Variants in CDH13 observed in about 807,000 individuals in gnomAD.
CDH13 encodes the protein cadherin 13.
Under a neutral mutation model 63.8 loss-of-function variants are expected in CDH13, and 24 were observed. The observed-to-expected ratio is 0.38, with a 90% confidence interval of 0.27 to 0.53. CDH13 has a LOEUF of 0.53. CDH13 is among the 20% of genes least tolerant of loss of function. The pLI is 0.85. For synonymous variants in CDH13, 503 were observed against 355.3 expected, an observed-to-expected ratio of 1.42 and a Z score of -4.67; for missense variants, 1,049 against 903.1, an observed-to-expected ratio of 1.16 and a Z score of -2.07.
intron 3 of CDH13, among the ~76,000 whole-genome samples, chr16:83,033,274 A>G (rs142070248): frequency 3.8e-4 from 57 of 151,760 alleles, no homozygotes; most frequent in African/African-American, 1.3e-3. Flanking sequence ...GTGTATATGT[A>G]TATATGTATA....
intron 1 of CDH13, among the ~76,000 whole-genome samples, chr16:82,833,700 T>C (rs554307209): frequency 6.6e-6 from 1 of 152,324 alleles, no homozygotes; most frequent in East Asian, 1.9e-4. Context: ...CTGTTTTCAA[T>C]CTACTGCCTC....
At chr16:83,660,857 T>TA (rs1338501220) in intron 8 of CDH13, among the ~76,000 whole-genome samples, 5 of 152,208 alleles carry the variant, frequency 3.3e-5, no homozygotes, top group Non-Finnish European at 5.9e-5. Context: ...TTTCATTTTT[T>TA]AAAGAGAGAA....
chr16:83,761,403 T>G (rs911535422), intron 11 of CDH13, among the ~76,000 whole-genome samples: 1 of 152,208 alleles, frequency 6.6e-6, no homozygotes, highest in Admixed American at 6.5e-5. Context: ...CTGAGTTTAG[T>G]TGAGCAAAGA....
At chr16:82,715,758 C>A (rs913970647) in intron 1 of CDH13, among the ~76,000 whole-genome samples, 1 of 152,124 alleles carries the variant, frequency 6.6e-6, no homozygotes, top group Non-Finnish European at 1.5e-5. Flanking sequence ...ACATGCAGCA[C>A]GAAGCAGCGA....
At chr16:82,758,617 G>C (rs1365703185) in intron 1 of CDH13, among the ~76,000 whole-genome samples, 5 of 152,312 alleles carry the variant, frequency 3.3e-5, no homozygotes, top group Admixed American at 1.3e-4. Flanking sequence ...CTAGAGGAGA[G>C]GTCACGCGGC....
intron 11 of CDH13, among the ~76,000 whole-genome samples, chr16:83,773,219 C>G (rs145048680): frequency 6.6e-6 from 1 of 152,298 alleles, no homozygotes; most frequent in African/African-American, 2.4e-5. Flanking sequence ...TTACATCTCA[C>G]AGGGACAGAG....
intron 1 of CDH13, among the ~76,000 whole-genome samples, chr16:82,794,637 C>T (rs957430107): frequency 3.3e-5 from 5 of 152,148 alleles, no homozygotes; most frequent in African/African-American, 1.2e-4. Context: ...CAAACAGAAG[C>T]TTAATTTCTC....
intron 6 of CDH13, among the ~76,000 whole-genome samples, chr16:83,449,474 T>G (rs1464180416): frequency 1.3e-5 from 2 of 152,214 alleles, no homozygotes; most frequent in Non-Finnish European, 2.9e-5. Context: ...AGATGGTGAC[T>G]TTTTGAAATT....
At chr16:82,723,999 A>C (rs1268503505) in intron 1 of CDH13, among the ~76,000 whole-genome samples, 2 of 152,174 alleles carry the variant, frequency 1.3e-5, no homozygotes, top group African/African-American at 4.8e-5. Flanking sequence ...GCAGAGCCAG[A>C]TGCTGGGCTG....
chr16:83,628,305 C>G (rs1910498529), intron 8 of CDH13, among the ~76,000 whole-genome samples: 1 of 152,140 alleles, frequency 6.6e-6, no homozygotes, highest in Non-Finnish European at 1.5e-5. Flanking sequence ...GCAGGGTTTC[C>G]CCTTGTTGCC....
At chr16:82,678,658 A>T (rs1173710572) in intron 1 of CDH13, among the ~76,000 whole-genome samples, 1 of 152,186 alleles carries the variant, frequency 6.6e-6, no homozygotes, top group Non-Finnish European at 1.5e-5. Context: ...CTAAGGGTAT[A>T]TACCTACTTC....
At chr16:83,785,103 G>A (rs564077332) in intron 13 of CDH13, among the ~76,000 whole-genome samples, 1 of 152,322 alleles carries the variant, frequency 6.6e-6, no homozygotes, top group South Asian at 2.1e-4. Context: ...TAATTCGGCT[G>A]TACAGCAATT....
At chr16:83,597,285 T>C (rs1217473716) in intron 7 of CDH13, among the ~76,000 whole-genome samples, 3 of 152,168 alleles carry the variant, frequency 2.0e-5, no homozygotes, top group East Asian at 3.8e-4. Flanking sequence ...CCAGTAGGGA[T>C]TGACTAAATA....
At chr16:82,781,473 C>A (rs1050468250) in intron 1 of CDH13, among the ~76,000 whole-genome samples, 5 of 151,942 alleles carry the variant, frequency 3.3e-5, no homozygotes, top group Admixed American at 2.0e-4. Context: ...GTCTAGCTAC[C>A]CACACACCTA....
At chr16:82,877,660 C>G (rs2040549069) in intron 2 of CDH13, among the ~76,000 whole-genome samples, 1 of 152,086 alleles carries the variant, frequency 6.6e-6, no homozygotes. Flanking sequence ...CCTCTCAAGT[C>G]TTTATGATGT....
intron 5 of CDH13, among the ~76,000 whole-genome samples, chr16:83,252,944 T>C (rs1276745825): frequency 6.6e-6 from 1 of 152,190 alleles, no homozygotes; most frequent in African/African-American, 2.4e-5. Flanking sequence ...ATTAACTTTC[T>C]GAACCTCTGT....
chr16:83,079,841 C>T (rs1414464105), intron 3 of CDH13, among the ~76,000 whole-genome samples: 2 of 152,162 alleles, frequency 1.3e-5, no homozygotes, highest in South Asian at 2.1e-4. Context: ...TAATAAGTTA[C>T]ATATCTACCT....
chr16:83,669,394 C>A (rs1026585780), intron 8 of CDH13, among the ~76,000 whole-genome samples: 2 of 152,120 alleles, frequency 1.3e-5, no homozygotes, highest in African/African-American at 4.8e-5. Context: ...TTTTCTTGCT[C>A]AAGAATTCTA....
rs1245398187 is a variant in CDH13 at position 83,678,199 on chromosome 16, GC to G, written c.1285-8del. 6.2e-7 allele frequency: 1 copy of G among 1,606,494 alleles called. No homozygotes were observed. On this transcript the variant is annotated splice_region_variant and splice_polypyrimidine_tract_variant and intron_variant, in intron 9 of 13. Coordinates refer to ENST00000567109, the MANE Select transcript of CDH13 (RefSeq NM_001257.5). ...TGTGCATCCTGAGACCCTTCTGTCT[GC>G]TTTCCAGCCATTGGACTATGAAATT...
Sources: gnomAD v4.1 joint callset for allele counts (sites outside exome capture counted in the v4.1 genomes callset) on GRCh38, gnomAD v4.1.1 for gene constraint, MANE v1.5 for transcripts, NCBI Gene and HGNC (gene_info 2026-07-23, HGNC 2026-07-21) for gene names.